RAPGEF6: variants seen among roughly 807,000 people sequenced by gnomAD.
RAPGEF6 encodes the protein PDZ domain containing guanine nucleotide exchange factor (GEF) 2.
In RAPGEF6, 56 loss-of-function variants were observed where a neutral mutation model predicts 171.4. The ratio of observed to expected loss-of-function variants is 0.33; its 90% CI spans 0.26 to 0.41. The LOEUF (loss-of-function observed/expected upper bound fraction) is 0.41, where lower values mean the gene tolerates loss of function less well. RAPGEF6 is among the 10% of genes least tolerant of loss of function. The pLI is 1.00. For synonymous variants in RAPGEF6, 692 were observed against 650.1 expected (o/e 1.06, Z -0.98); for missense variants, 1,674 against 1,921.4 (o/e 0.87, Z 2.41).
intron 1 of RAPGEF6, among the ~76,000 whole-genome samples, chr5:131,615,508 TACAG>T (rs780623985): frequency 4.6e-5 from 7 of 152,222 alleles, no homozygotes; most frequent in Admixed American, 6.5e-5. Flanking sequence ...CTGGAAGTCT[TACAG>T]ACAGTCTTCG....
chr5:131,561,568 G>A (rs1761602113), intron 5 of RAPGEF6, among the ~76,000 whole-genome samples: 1 of 149,348 alleles, frequency 6.7e-6, no homozygotes, highest in Non-Finnish European at 1.5e-5. Flanking sequence ...GCTAGGGCAG[G>A]AAAACTGCTT....
chr5:131,547,689 T>C (rs1305710691), intron 6 of RAPGEF6, among the ~76,000 whole-genome samples: 3 of 151,922 alleles, frequency 2.0e-5, no homozygotes, highest in African/African-American at 7.3e-5. Context: ...TTTGTATTTT[T>C]AGTAGAGATG....
At chr5:131,614,048 G>A (rs996823127) in intron 1 of RAPGEF6, among the ~76,000 whole-genome samples, 11 of 152,170 alleles carry the variant, frequency 7.2e-5, no homozygotes, top group African/African-American at 2.7e-4. Context: ...TTGGGAGACT[G>A]TGGTGGGTGG....
chr5:131,619,871 C>T (rs1244830664), intron 1 of RAPGEF6, among the ~76,000 whole-genome samples: 2 of 152,220 alleles, frequency 1.3e-5, no homozygotes, highest in Non-Finnish European at 2.9e-5. Context: ...ATCCTGACTA[C>T]ACTGGGTCTA....
At chr5:131,565,640 C>A (rs537452697) in intron 4 of RAPGEF6, among the ~76,000 whole-genome samples, 4 of 152,112 alleles carry the variant, frequency 2.6e-5, no homozygotes, top group Non-Finnish European at 5.9e-5. Context: ...GGTATTTGAT[C>A]AACTTATAGA....
intron 5 of RAPGEF6, among the ~76,000 whole-genome samples, chr5:131,556,923 T>G (rs1326614354): frequency 6.6e-6 from 1 of 152,180 alleles, no homozygotes; most frequent in Non-Finnish European, 1.5e-5. Flanking sequence ...TTTAAACACA[T>G]TATTTCTGCA....
rs1252746922 is a variant in RAPGEF6, at chr5:131,479,587, A to C, written c.2007T>G (p.Val669=). 2 of 1,613,910 alleles carry C rather than the reference A, an allele frequency of 1.2e-6. No homozygotes were observed. Among genetic ancestry groups the C allele is most frequent in the Non-Finnish European group, 1.7e-6 (2 of 1,179,962 alleles). The part of the protein sequence containing the change: ...KGSKKVKANT[V]SGGRNKIRKI... The stretch of plus-strand genomic sequence containing the variant: ...TCCTGATTTTGTTTCTTCCACCTGA[A>C]ACAGTATTTGCTTTAACTTTCTTAC... Residue 669 remains valine, a synonymous_variant, in exon 16 of 28, where the codon GTT becomes GTG. Coordinates refer to ENST00000509018, the MANE Select transcript of RAPGEF6 (RefSeq NM_016340.6).
chr5:131,521,976 A>G (rs943664188), intron 6 of RAPGEF6, among the ~76,000 whole-genome samples: 3 of 152,034 alleles, frequency 2.0e-5, no homozygotes, highest in African/African-American at 4.8e-5. Context: ...TAAAACAGCA[A>G]TATCTTGGAA....
chr5:131,627,640 T>C (rs1331562499), intron 1 of RAPGEF6, among the ~76,000 whole-genome samples: 1 of 152,226 alleles, frequency 6.6e-6, no homozygotes, highest in Non-Finnish European at 1.5e-5. Flanking sequence ...CTGTGGCTTC[T>C]TTAAGGAATT....
chr5:131,477,231 C>A (rs555063315), intron 16 of RAPGEF6, among the ~76,000 whole-genome samples: 2 of 152,272 alleles, frequency 1.3e-5, no homozygotes, highest in Admixed American at 1.3e-4. Context: ...GCTCTCCCAA[C>A]AAAATAGGCT....
chr5:131,618,769 A>T (rs1765424626), intron 1 of RAPGEF6, among the ~76,000 whole-genome samples: 1 of 152,248 alleles, frequency 6.6e-6, no homozygotes, highest in Non-Finnish European at 1.5e-5. Flanking sequence ...CACATTCTCC[A>T]ACTATAACTT....
intron 4 of RAPGEF6, among the ~76,000 whole-genome samples, chr5:131,572,759 C>T (rs1762381359): frequency 6.6e-6 from 1 of 152,170 alleles, no homozygotes; most frequent in African/African-American, 2.4e-5. Flanking sequence ...CCTCTTCCCC[C>T]TTAGCCTGTG....
At position 131,453,034 on chromosome 5, in the gene RAPGEF6, T is replaced by C. The variant is rs777607246; in HGVS notation, c.3200+20A>G. ...ACCCTTGATACCACTCTAACACTTT[T>C]ACATATTTCAATGTCCTACCTCTGT... On this transcript the variant is annotated intron_variant, in intron 21 of 27. Coordinates refer to ENST00000509018, the MANE Select transcript of RAPGEF6 (RefSeq NM_016340.6). The C allele has an allele frequency of 1.9e-6, 3 of 1,603,734 alleles. No individual in the cohort carries two copies. The highest frequency in any genetic ancestry group is 1.7e-4 in the Middle Eastern group (1 of 6,014).
At chr5:131,561,156 T>G (rs1034355195) in intron 5 of RAPGEF6, among the ~76,000 whole-genome samples, 2 of 152,168 alleles carry the variant, frequency 1.3e-5, no homozygotes, top group African/African-American at 4.8e-5. Flanking sequence ...TACTTAGCTC[T>G]TTTAAGAAAA....
intron 5 of RAPGEF6, among the ~76,000 whole-genome samples, chr5:131,554,522 T>C (rs1043881502): frequency 5.3e-5 from 8 of 152,216 alleles, no homozygotes; most frequent in African/African-American, 1.9e-4. Context: ...TGTTTTTAAA[T>C]AGGTTTTCTT....
At chr5:131,591,456 C>A (rs917729549) in intron 4 of RAPGEF6, among the ~76,000 whole-genome samples, 2 of 152,106 alleles carry the variant, frequency 1.3e-5, no homozygotes, top group Admixed American at 1.3e-4. Flanking sequence ...TCAGAACTAG[C>A]TTATGCTATG....
chr5:131,430,958 C>T lies in RAPGEF6; in HGVS notation c.4366G>A (p.Glu1456Lys). 1 of 1,614,192 alleles carries T rather than the reference C, an allele frequency of 6.2e-7. No homozygotes were observed. The highest frequency in any genetic ancestry group is 8.5e-7 in the Non-Finnish European group (1 of 1,180,030). The change falls in exon 26 of 28, where the codon GAG becomes AAG. Residue 1456 changes from glutamate (E) to lysine (K), a missense_variant. Glu to Lys is a moderately conservative substitution (Grantham distance 56). Coordinates refer to ENST00000509018, the MANE Select transcript of RAPGEF6 (RefSeq NM_016340.6). ...TCAGATGACTCAGCTGGGGTGCTCT[C>T]CAATACTCTCTGTTTAACTGTCCCA... is the stretch of plus-strand genomic sequence containing the variant. ...NYGTVKQRVL[E>K]STPAESSEGL...
intron 21 of RAPGEF6, among the ~76,000 whole-genome samples, chr5:131,452,173 T>C (rs530937206): frequency 3.3e-5 from 5 of 151,820 alleles, no homozygotes; most frequent in African/African-American, 4.8e-5. Flanking sequence ...TGAGCCGAGA[T>C]TGCGCCTCTG....
intron 17 of RAPGEF6, among the ~76,000 whole-genome samples, chr5:131,464,853 A>G (rs1455350251): frequency 6.6e-6 from 1 of 152,192 alleles, no homozygotes; most frequent in East Asian, 1.9e-4. Flanking sequence ...TGTTCTCCAG[A>G]GACGTTATAA....
Sources: allele counts gnomAD v4.1 joint callset (sites outside exome capture counted in the v4.1 genomes callset), GRCh38; gene constraint gnomAD v4.1.1; transcripts MANE v1.5; gene names NCBI Gene and HGNC (gene_info 2026-07-23, HGNC 2026-07-21).